Variants in TRIP12 observed in about 807,000 individuals in gnomAD.
The protein encoded by TRIP12 is thyroid hormone receptor interactor 12.
Under a neutral mutation model 244.2 loss-of-function variants are expected in TRIP12, and 25 were observed. That is an observed-to-expected ratio of 0.10 (90% CI 0.07 to 0.14). The LOEUF (loss-of-function observed/expected upper bound fraction) is 0.14. TRIP12 is among the 10% of genes least tolerant of loss of function. The pLI, the probability that TRIP12 is intolerant of heterozygous loss-of-function variation, is 1.00. For missense variants in TRIP12, 1,677 were observed against 2,486.4 expected (o/e 0.67, Z 6.92); for synonymous variants, 905 against 873.1 (o/e 1.04, Z -0.64).
At chr2:229,829,121 C>T (rs2052592952) in intron 8 of TRIP12, 72 bp downstream of exon 8, 7 of 1,395,772 alleles carry the variant, frequency 5.0e-6, no homozygotes, top group Non-Finnish European at 7.0e-6. Context: ...ATACTTACAT[C>T]AATAGGTTAC....
intron 41 of TRIP12, among the ~76,000 whole-genome samples, chr2:229,768,028 C>T (rs2032463799): frequency 6.7e-6 from 1 of 150,330 alleles, no homozygotes; most frequent in Admixed American, 6.6e-5. Flanking sequence ...CTCTGGGAGG[C>T]CGAGGTGAGC....
chr2:229,812,079 T>C (rs2047390120), intron 13 of TRIP12, among the ~76,000 whole-genome samples: 1 of 152,076 alleles, frequency 6.6e-6, no homozygotes, highest in South Asian at 2.1e-4. Flanking sequence ...CTCAACTATG[T>C]TTTTATTTAT....
chr2:229,876,804 T>C (rs1289933054), intron 2 of TRIP12, among the ~76,000 whole-genome samples: 1 of 152,128 alleles, frequency 6.6e-6, no homozygotes, highest in Non-Finnish European at 1.5e-5. Context: ...GCTAGAAATA[T>C]CAGTGTGTTC....
chr2:229,795,344 T>C lies in TRIP12; in HGVS notation c.3817-14A>G, dbSNP rs1483730407. The C allele has an allele frequency of 6.2e-7, 1 of 1,608,986 alleles. No homozygotes were observed. The highest frequency in any genetic ancestry group is 8.5e-7 in the Non-Finnish European group (1 of 1,177,730). The stretch of plus-strand genomic sequence containing the variant: ...TTCTCCAGGAAGCTAAAGTTATAAA[T>C]AAACAAACAGGTTAAACAAAGCCTT... On this transcript the variant is annotated splice_polypyrimidine_tract_variant and intron_variant, in intron 25 of 41. Coordinates refer to ENST00000675903, the MANE Select transcript of TRIP12 (RefSeq NM_001348323.3).
intron 1 of TRIP12, among the ~76,000 whole-genome samples, chr2:229,908,868 G>C (rs1055416815): frequency 3.9e-5 from 6 of 152,076 alleles, no homozygotes; most frequent in African/African-American, 1.4e-4. Flanking sequence ...GAGGCGGGCA[G>C]ATCACTTGAG....
intron 2 of TRIP12, among the ~76,000 whole-genome samples, chr2:229,866,738 C>T (rs1267246512): frequency 6.6e-6 from 1 of 152,238 alleles, no homozygotes; most frequent in East Asian, 1.9e-4. Context: ...GTCAGAGTCT[C>T]ATAAAACAAA....
chr2:229,872,561 C>A (rs2062854040), intron 2 of TRIP12, among the ~76,000 whole-genome samples: 1 of 151,748 alleles, frequency 6.6e-6, no homozygotes, highest in Admixed American at 6.6e-5. Context: ...AAGACTCTGT[C>A]TCCAAAAAAA....
At chr2:229,913,201 T>C (rs1357893661) in intron 1 of TRIP12, among the ~76,000 whole-genome samples, 2 of 152,166 alleles carry the variant, frequency 1.3e-5, no homozygotes, top group Admixed American at 1.3e-4. Context: ...TAGCCACAAA[T>C]CATGCCCTAA....
intron 32 of TRIP12, among the ~76,000 whole-genome samples, chr2:229,788,231 G>A (rs767065058): frequency 2.3e-4 from 35 of 152,080 alleles, no homozygotes; most frequent in Non-Finnish European, 4.4e-4. Context: ...CACTTAAGTC[G>A]ATAGATCATC....
Position 229,766,320 on chromosome 2 carries a change from C to T in TRIP12, c.*1234G>A, listed in dbSNP as rs994110803. On this transcript the variant is annotated 3_prime_UTR_variant, in exon 42 of 42. Coordinates refer to ENST00000675903, the MANE Select transcript of TRIP12 (RefSeq NM_001348323.3). ...TCATGGAGATATGTGGATTTCCTTG[C>T]ATTGAAATACATCTATACAATTGAA... 5 of 152,190 alleles carry T rather than the reference C, an allele frequency of 3.3e-5. No homozygotes were observed. The highest frequency in any genetic ancestry group is 4.4e-5 in the Non-Finnish European group (3 of 68,040). 9.4% of individuals were successfully genotyped at this position (152,190 alleles called of 1,614,324 possible).
chr2:229,880,006 G>T lies in TRIP12; in HGVS notation c.74C>A (p.Pro25Gln). 1 of 1,614,038 alleles carries T rather than the reference G, an allele frequency of 6.2e-7. No individual in the cohort carries two copies. Among genetic ancestry groups the T allele is most frequent in the Non-Finnish European group, 8.5e-7 (1 of 1,180,002 alleles). The change falls in exon 2 of 42, where the codon CCA (proline) becomes CAA (glutamine). Residue 25 changes from proline to glutamine, a missense_variant. By Grantham distance (76) the Pro-to-Gln change is moderately conservative (BLOSUM62 -1). Transcript: ENST00000675903. ...RSQRNTAGAQ[P>Q]QDDSIGGRSH... Reference sequence around the variant, plus strand: ...CCTTCCTCCTATTGAGTCGTCTTGTGGTTGGGCCCCGGCAGTGTTCCTCTG... The same window carrying T: ...CCTTCCTCCTATTGAGTCGTCTTGTTGTTGGGCCCCGGCAGTGTTCCTCTG...
intron 5 of TRIP12, among the ~76,000 whole-genome samples, chr2:229,839,080 T>C (rs1301545980): frequency 6.6e-6 from 1 of 152,244 alleles, no homozygotes; most frequent in Non-Finnish European, 1.5e-5. Context: ...ATGTTGTTTC[T>C]GTCAAGGACG....
intron 1 of TRIP12, among the ~76,000 whole-genome samples, chr2:229,896,098 G>A (rs562557107): frequency 6.6e-6 from 1 of 152,076 alleles, no homozygotes; most frequent in East Asian, 1.9e-4. Flanking sequence ...GAAAAGAAGT[G>A]GCCCAGGAAA....
intron 20 of TRIP12, among the ~76,000 whole-genome samples, chr2:229,803,369 C>T (rs2044969361): frequency 6.6e-6 from 1 of 152,210 alleles, no homozygotes; most frequent in Non-Finnish European, 1.5e-5. Context: ...CTGCCTTGGC[C>T]TCCCAAAGTG....
chr2:229,812,193 C>G (rs112788391), intron 13 of TRIP12, among the ~76,000 whole-genome samples: 1 of 152,088 alleles, frequency 6.6e-6, no homozygotes, highest in Non-Finnish European at 1.5e-5. Context: ...CGAGATCAAG[C>G]GATCCTCCTG....
Position 229,883,565 on chromosome 2 carries a change from C to G in TRIP12, c.-49-3437G>C, listed in dbSNP as rs774543845. Among the ~76,000 whole-genome samples the G allele has an allele frequency of 1.1e-3, 165 of 152,210 alleles. 1 individual carries two copies. The highest frequency in any genetic ancestry group is 2.2e-3 in the Admixed American group (33 of 15,300). ...AATATCCCTATCAAATCCTGAAATA[C>G]ACTAGTCTTTTCTAACCATGGCCAT... On this transcript the variant is annotated intron_variant, in intron 1 of 41. Transcript: ENST00000675903.
intron 23 of TRIP12, 95 bp downstream of exon 23, chr2:229,798,780 T>C (rs569734478): frequency 1.1e-5 from 15 of 1,316,720 alleles, no homozygotes; most frequent in African/African-American, 3.0e-5. Flanking sequence ...GCTGTGTCTA[T>C]GTATCGTCTC....
At chr2:229,865,254 AGTG>A (rs938653292) in intron 2 of TRIP12, among the ~76,000 whole-genome samples, 2 of 149,726 alleles carry the variant, frequency 1.3e-5, no homozygotes, top group African/African-American at 4.9e-5. Context: ...TCAAAGCTGC[AGTG>A]AGCTATGGTT....
At chr2:229,806,065 A>C in intron 17 of TRIP12, 182 bp from the exon 18 acceptor site, 1 of 478,434 alleles carries the variant, frequency 2.1e-6, no homozygotes, top group Non-Finnish European at 3.6e-6. Context: ...TCAACAAATC[A>C]TTTTTAATTA....
Sources: allele counts gnomAD v4.1 joint callset (sites outside exome capture counted in the v4.1 genomes callset), GRCh38; gene constraint gnomAD v4.1.1; transcripts MANE v1.5; gene names NCBI Gene and HGNC (gene_info 2026-07-23, HGNC 2026-07-21).